DRC11: variants seen among roughly 807,000 people sequenced by gnomAD.
DRC11 encodes the protein IQ and AAA domain-containing protein 1.
At chr2:236,357,327 T>C in the DRC11 span, among the ~76,000 whole-genome samples, 2 of 92,674 alleles carry the variant, frequency 2.2e-5, no homozygotes, top group South Asian at 5.3e-4. Context: ...ATTATATATA[T>C]TCATATATGA....
chr2:236,345,175 G>GGTTGTAAAT, the DRC11 span, among the ~76,000 whole-genome samples: 1 of 151,954 alleles, frequency 6.6e-6, no homozygotes, highest in Non-Finnish European at 1.5e-5. Flanking sequence ...GCAGAGCCCT[G>GGTTGTAAAT]GCTGTAAACG....
chr2:236,397,457 T>C, the DRC11 span, among the ~76,000 whole-genome samples: 9 of 152,276 alleles, frequency 5.9e-5, no homozygotes, highest in East Asian at 1.5e-3. This position sits in a 1 kb window ranked among gnomAD's most constrained non-coding sequence, Gnocchi z 5.0. Context: ...TCCTAGAGAA[T>C]GAGCTCTACC....
At chr2:236,323,316 TGG>T in the DRC11 span, among the ~76,000 whole-genome samples, 1 of 152,168 alleles carries the variant, frequency 6.6e-6, no homozygotes, top group Non-Finnish European at 1.5e-5. This position sits in a 1 kb window ranked among gnomAD's most constrained non-coding sequence, Gnocchi z 6.4. Flanking sequence ...CAGGCCACCC[TGG>T]GCTTTGGCTA....
At chr2:236,460,811 G>A in the DRC11 span, among the ~76,000 whole-genome samples, 1 of 152,132 alleles carries the variant, frequency 6.6e-6, no homozygotes, top group African/African-American at 2.4e-5. This position sits in a 1 kb window ranked among gnomAD's most constrained non-coding sequence, Gnocchi z 4.0. Context: ...AGGGAATACA[G>A]TGGTGAATTC....
chr2:236,358,245 A>AGAT, the DRC11 span, among the ~76,000 whole-genome samples: 1 of 131,788 alleles, frequency 7.6e-6, no homozygotes, highest in African/African-American at 2.9e-5. Context: ...TATAATATAT[A>AGAT]GATGTATACT....
At chr2:236,331,470 G>C in the DRC11 span, 3 of 1,613,990 alleles carry the variant, frequency 1.9e-6, no homozygotes, top group Non-Finnish European at 2.5e-6. The surrounding 1 kb of genome is among the most constrained non-coding windows in gnomAD (Gnocchi z 4.8). Context: ...TCTGATCTGT[G>C]AGCACGCCTT....
the DRC11 span, among the ~76,000 whole-genome samples, chr2:236,504,905 C>A: frequency 4.6e-5 from 7 of 152,176 alleles, no homozygotes; most frequent in South Asian, 2.1e-4. This position sits in a 1 kb window ranked among gnomAD's most constrained non-coding sequence, Gnocchi z 5.0. Flanking sequence ...AAGGACTTCC[C>A]AGTCCTGCAG....
the DRC11 span, among the ~76,000 whole-genome samples, chr2:236,321,286 G>C: frequency 2.7e-3 from 416 of 152,288 alleles, 4 homozygotes; most frequent in Non-Finnish European, 2.1e-3. Flanking sequence ...ATAAATAATG[G>C]TATATCTATA....
chr2:236,324,772 G>A, the DRC11 span: 2 of 1,601,302 alleles, frequency 1.2e-6, no homozygotes. The surrounding 1 kb of genome is among the most constrained non-coding windows in gnomAD (Gnocchi z 5.7). Flanking sequence ...GAGGAGTTTT[G>A]GCATACCAGT....
the DRC11 span, among the ~76,000 whole-genome samples, chr2:236,336,266 G>A: frequency 2.6e-5 from 4 of 152,206 alleles, no homozygotes; most frequent in Non-Finnish European, 5.9e-5. This position sits in a 1 kb window ranked among gnomAD's most constrained non-coding sequence, Gnocchi z 7.3. Flanking sequence ...GTAGATGGTT[G>A]TTCTTTTAGC....
the DRC11 span, among the ~76,000 whole-genome samples, chr2:236,501,543 G>A: frequency 1.3e-5 from 2 of 152,160 alleles, no homozygotes; most frequent in Admixed American, 6.5e-5. Flanking sequence ...AAGAAGCAAA[G>A]ATGATTGAGA....
the DRC11 span, among the ~76,000 whole-genome samples, chr2:236,447,334 C>T: frequency 6.6e-5 from 10 of 151,578 alleles, no homozygotes; most frequent in South Asian, 2.1e-4. This position sits in a 1 kb window ranked among gnomAD's most constrained non-coding sequence, Gnocchi z 4.6. Flanking sequence ...CTGGTGTCCT[C>T]GTGAGAAGAA....
chr2:236,455,273 A>G, the DRC11 span, among the ~76,000 whole-genome samples: 1 of 152,144 alleles, frequency 6.6e-6, no homozygotes, highest in African/African-American at 2.4e-5. This position sits in a 1 kb window ranked among gnomAD's most constrained non-coding sequence, Gnocchi z 5.7. Context: ...CTGAATATGA[A>G]TTCCAGCCTC....
chr2:236,485,030 T>G, the DRC11 span, among the ~76,000 whole-genome samples: 1 of 152,242 alleles, frequency 6.6e-6, no homozygotes, highest in African/African-American at 2.4e-5. Context: ...AGAAGGACTT[T>G]GAAAATCTTT....
chr2:236,377,903 T>C, the DRC11 span, among the ~76,000 whole-genome samples: 1 of 152,336 alleles, frequency 6.6e-6, no homozygotes, highest in South Asian at 2.1e-4. This position sits in a 1 kb window ranked among gnomAD's most constrained non-coding sequence, Gnocchi z 4.9. Context: ...TTGCAGAAAT[T>C]AGATAGGTTA....
At chr2:236,404,309 T>C in the DRC11 span, among the ~76,000 whole-genome samples, 1 of 152,128 alleles carries the variant, frequency 6.6e-6, no homozygotes, top group Non-Finnish European at 1.5e-5. Flanking sequence ...AGTCGTTTTT[T>C]CCTAAAACCA....
chr2:236,461,053 G>A, the DRC11 span, among the ~76,000 whole-genome samples: 1 of 152,150 alleles, frequency 6.6e-6, no homozygotes, highest in South Asian at 2.1e-4. This position sits in a 1 kb window ranked among gnomAD's most constrained non-coding sequence, Gnocchi z 4.0. Context: ...ACCGTGCCTG[G>A]ACTGCAAACA....
chr2:236,409,687 C>T, the DRC11 span, among the ~76,000 whole-genome samples: 10 of 151,268 alleles, frequency 6.6e-5, no homozygotes, highest in South Asian at 1.0e-3. Context: ...GTCTTGTGCC[C>T]GTTTTCAAAG....
chr2:236,428,800 C>T, the DRC11 span, among the ~76,000 whole-genome samples: 19 of 151,986 alleles, frequency 1.3e-4, no homozygotes, highest in African/African-American at 4.6e-4. Flanking sequence ...TCTTGTAAAT[C>T]CTTCTTTCAT....
Sources: gnomAD v4.1 joint callset for allele counts (sites outside exome capture counted in the v4.1 genomes callset) on GRCh38, gnomAD v4.1.1 for gene constraint, Gnocchi (gnomAD v3.1) non-coding constraint, MANE v1.5 for transcripts, NCBI Gene and HGNC (gene_info 2026-07-23, HGNC 2026-07-21) for gene names.